The following EPHA6 variants were observed in gnomAD, a reference collection of about 807,000 sequenced individuals.
EPHA6 encodes ephrin type-A receptor 6.
A neutral mutation model predicts 112.0 loss-of-function variants in EPHA6; 50 were observed. That is an observed-to-expected ratio of 0.45 (90% confidence interval 0.36 to 0.56). The LOEUF is 0.56. Among genes scored for constraint, EPHA6 ranks in the 20% least tolerant of loss-of-function variants. EPHA6 has a pLI of 0.00. For synonymous variants in EPHA6, 529 were observed against 490.7 expected (o/e 1.08, Z -1.03); for missense variants, 1,280 against 1,417.4 (o/e 0.90, Z 1.56).
chr3:97,354,176 A>G (rs957600963), intron 5 of EPHA6, among the ~76,000 whole-genome samples: 19 of 152,182 alleles, frequency 1.2e-4, no homozygotes, highest in African/African-American at 4.6e-4. Context: ...AAGGATGAAT[A>G]TAAACAAGCC....
rs550847913 is a variant in EPHA6, at chr3:96,900,686, C to T, written c.450+33797C>T. On this transcript the variant is annotated intron_variant, in intron 2 of 17. Transcript: ENST00000389672. ...GAGTGTTACTGAATAAGAAGATTCA[C>T]ATGGATTGTTTTTGCCACAGAAATA... is the stretch of plus-strand genomic sequence containing the variant. 3.3e-5 allele frequency among the ~76,000 whole-genome samples: 5 copies of T among 152,318 alleles called. No individual in the cohort carries two copies. The East Asian group carries it at 9.7e-4, about 29-fold the overall frequency.
In EPHA6 at chr3:96,967,388, C is replaced by G. The variant is rs182610740; in HGVS notation, c.451-19942C>G. Among the ~76,000 whole-genome samples the G allele has an allele frequency of 5.7e-3, 867 of 150,884 alleles. 5 individuals are homozygous for G. Among genetic ancestry groups the G allele is most frequent in the Admixed American group, 0.01 (152 of 15,050 alleles). On this transcript the variant is annotated intron_variant, in intron 2 of 17. Coordinates refer to ENST00000389672, the MANE Select transcript of EPHA6 (RefSeq NM_001080448.3). ...TTCATTTACTAGTATATTATGAATA[C>G]TTTTCCAAGTCATTGAATGTCTTTT...
rs757651690 is a variant in EPHA6 at position 97,643,220 on chromosome 3, A to C, written c.2784+5138A>C. 4.5e-3 allele frequency among the ~76,000 whole-genome samples: 641 copies of C among 142,962 alleles called. 2 individuals are homozygous for C. The highest frequency in any genetic ancestry group is 0.015 in the Middle Eastern group (4 of 270). 93.8% of individuals were successfully genotyped at this position (142,962 alleles called of 152,430 possible). The stretch of plus-strand genomic sequence containing the variant: ...TTCATAAGTGAAGGAGAAATAAAAT[A>C]CTTTACAGACAAGCAAATGCTGAGA... On this transcript the variant is annotated intron_variant, in intron 14 of 17. Coordinates refer to ENST00000389672, the MANE Select transcript of EPHA6 (RefSeq NM_001080448.3).
chr3:97,393,314 A>G (rs781725626), intron 5 of EPHA6, among the ~76,000 whole-genome samples: 4 of 151,882 alleles, frequency 2.6e-5, no homozygotes, highest in East Asian at 3.9e-4. Context: ...AACCTGTTAT[A>G]TAAGCAGTTT....
chr3:97,487,845 A>G (rs1044801571), intron 10 of EPHA6, among the ~76,000 whole-genome samples: 1 of 152,184 alleles, frequency 6.6e-6, no homozygotes, highest in African/African-American at 2.4e-5. Context: ...TTTTTGCACT[A>G]TAAAATGAAA....
intron 7 of EPHA6, among the ~76,000 whole-genome samples, chr3:97,461,381 G>A (rs2090884027): frequency 6.6e-6 from 1 of 152,084 alleles, no homozygotes; most frequent in Non-Finnish European, 1.5e-5. Context: ...TAACCACTCT[G>A]TGCCTCAGTT....
At chr3:97,527,850 C>G (rs2092642615) in intron 10 of EPHA6, among the ~76,000 whole-genome samples, 1 of 152,092 alleles carries the variant, frequency 6.6e-6, no homozygotes, top group South Asian at 2.1e-4. Flanking sequence ...TTGACCTGAT[C>G]TATTTGATAA....
chr3:97,029,764 A>T (rs548468507), intron 3 of EPHA6, among the ~76,000 whole-genome samples: 13 of 152,150 alleles, frequency 8.5e-5, no homozygotes, highest in Non-Finnish European at 1.9e-4. Flanking sequence ...CAAGAACAAT[A>T]GTTTCACTTC....
At chr3:96,940,966 C>G (rs938303737) in intron 2 of EPHA6, among the ~76,000 whole-genome samples, 3 of 151,916 alleles carry the variant, frequency 2.0e-5, no homozygotes, top group South Asian at 4.2e-4. Context: ...GCCGAGAGAT[C>G]AGCTGTTAGT....
chr3:97,195,935 G>A (rs2077429657), intron 3 of EPHA6, among the ~76,000 whole-genome samples: 1 of 151,818 alleles, frequency 6.6e-6, no homozygotes, highest in Non-Finnish European at 1.5e-5. Context: ...TGACTTTTAT[G>A]AGTTTGATTA....
intron 16 of EPHA6, among the ~76,000 whole-genome samples, chr3:97,743,891 C>A (rs1219066031): frequency 6.6e-6 from 1 of 151,806 alleles, no homozygotes; most frequent in Non-Finnish European, 1.5e-5. Flanking sequence ...ACACTTCTTG[C>A]TTTTTAATGG....
At chr3:96,826,936 T>G (rs1444518213) in intron 1 of EPHA6, among the ~76,000 whole-genome samples, 2 of 152,162 alleles carry the variant, frequency 1.3e-5, no homozygotes, top group African/African-American at 4.8e-5. Context: ...ATAGGTCAGT[T>G]GTACAATTAT....
At chr3:96,942,088 C>A (rs1238990936) in intron 2 of EPHA6, among the ~76,000 whole-genome samples, 2 of 152,186 alleles carry the variant, frequency 1.3e-5, no homozygotes, top group African/African-American at 4.8e-5. Context: ...GGCAGTCTGC[C>A]CATTCTCAGA....
At chr3:97,040,907 A>G (rs559571748) in intron 3 of EPHA6, among the ~76,000 whole-genome samples, 3 of 152,190 alleles carry the variant, frequency 2.0e-5, no homozygotes, top group African/African-American at 4.8e-5. Flanking sequence ...TTTAAAGGGA[A>G]TGTAACACCA....
At chr3:97,470,851 A>G (rs2091209190) in intron 7 of EPHA6, among the ~76,000 whole-genome samples, 1 of 151,702 alleles carries the variant, frequency 6.6e-6, no homozygotes, top group Non-Finnish European at 1.5e-5. Flanking sequence ...TTTGTCCAAG[A>G]ATACAAGCTA....
At chr3:97,481,684 C>G (rs78509399) in intron 9 of EPHA6, among the ~76,000 whole-genome samples, 38 of 150,822 alleles carry the variant, frequency 2.5e-4, no homozygotes, top group African/African-American at 8.8e-4. Flanking sequence ...GGCCCCGCCC[C>G]GCACCGCCCC....
At position 97,551,730 on chromosome 3, in the gene EPHA6, G is replaced by A. The variant is rs567431985; in HGVS notation, c.2386+19187G>A. On this transcript the variant is annotated intron_variant, in intron 11 of 17. Coordinates refer to ENST00000389672, the MANE Select transcript of EPHA6 (RefSeq NM_001080448.3). Reference sequence around the variant, plus strand: ...ACTATTCCATTACACTGAAATGATAGTACACAAACATGTCTTCCATTAGCT... The same window carrying A: ...ACTATTCCATTACACTGAAATGATAATACACAAACATGTCTTCCATTAGCT... 1.1e-3 allele frequency among the ~76,000 whole-genome samples: 161 copies of A among 152,138 alleles called. 1 individual carries two copies. The highest frequency in any genetic ancestry group is 6.8e-3 in the Middle Eastern group (2 of 294).
rs1235962332 is a variant in EPHA6, at chr3:97,756,469, T to C, written c.*7768T>C. Among the ~76,000 whole-genome samples, 4 of 151,946 alleles carry C rather than the reference T, an allele frequency of 2.6e-5. No individual in the cohort carries two copies. Among genetic ancestry groups the C allele is most frequent in the Admixed American group, 1.3e-4 (2 of 15,262 alleles). ...ATCATACATAGTTAATAAACAATGA[T>C]TGGAGCTTTTCAAAATTGCTGCTCT... is the stretch of plus-strand genomic sequence containing the variant. On this transcript the variant is annotated 3_prime_UTR_variant, in exon 18 of 18. Transcript: ENST00000389672.
At chr3:97,690,626 C>T (rs766080878) in intron 14 of EPHA6, among the ~76,000 whole-genome samples, 8 of 152,058 alleles carry the variant, frequency 5.3e-5, no homozygotes, top group Non-Finnish European at 8.8e-5. Flanking sequence ...CACCACCATG[C>T]CTGGCTAATT....
Sources: allele counts gnomAD v4.1 joint callset (sites outside exome capture counted in the v4.1 genomes callset), GRCh38; gene constraint gnomAD v4.1.1; transcripts MANE v1.5; gene names NCBI Gene and HGNC (gene_info 2026-07-23, HGNC 2026-07-21).